Variants in NEK11 observed in about 807,000 individuals in gnomAD.
NEK11 encodes the protein NIMA related kinase 11, also known as serine/threonine-protein kinase Nek11.
In NEK11, 72 loss-of-function variants were observed where a neutral mutation model predicts 80.7. The ratio of observed to expected loss-of-function variants is 0.89; its 90% CI spans 0.74 to 1.08. The LOEUF is 1.08. NEK11 is among the 50% of genes least tolerant of loss of function. The pLI is 0.00. For synonymous variants in NEK11, 251 were observed against 260.7 expected, an observed-to-expected ratio of 0.96 and a Z score of 0.36; for missense variants, 764 against 763.6, an observed-to-expected ratio of 1.00 and a Z score of -0.01.
intron 13 of NEK11, among the ~76,000 whole-genome samples, chr3:131,169,793 A>G (rs1350594911): frequency 6.6e-6 from 1 of 152,202 alleles, no homozygotes; most frequent in Non-Finnish European, 1.5e-5. Context: ...TCAGCAAATC[A>G]AAGTTAATTG....
rs781312028 is a variant in NEK11, at chr3:131,152,516, A to G, written c.776A>G (p.Glu259Gly). 1.8e-5 allele frequency: 29 copies of G among 1,613,362 alleles called. No individual in the cohort carries two copies. The highest frequency in any genetic ancestry group is 1.6e-4 in the Middle Eastern group (1 of 6,082). The change falls in exon 8 of 18, where the codon GAA (glutamate) becomes GGA (glycine). Residue 259 changes from glutamate (E) to glycine (G), a missense_variant. Transcript: ENST00000383366. ...TCTCTCCCTGAGAGATATCCAAAAG[A>G]ACTAAATGCCATCATGGAAAGGTAT... ...TPSLPERYPKELNAIMESMLN... is the reference protein window; with the variant it reads ...TPSLPERYPKGLNAIMESMLN...
chr3:131,155,056 A>G lies in NEK11; in HGVS notation c.897A>G (p.Ser299=). The part of the protein sequence containing the change: ...EQLQNLMCRY[S]EMTLEDKNLD... ...TTCAGAACCTAATGTGTAGATATTC[A>G]GAAATGACTCTGGAAGACAAAAATT... Residue 299 remains serine (S), a synonymous_variant, in exon 10 of 18, where the codon TCA becomes TCG. Transcript: ENST00000383366. 6.2e-7 allele frequency: 1 copy of G among 1,608,962 alleles called. No individual in the cohort carries two copies. Among genetic ancestry groups the G allele is most frequent in the Non-Finnish European group, 8.5e-7 (1 of 1,175,510 alleles).
chr3:131,036,472 C>CAAGACCCA (rs2065664876), intron 3 of NEK11, among the ~76,000 whole-genome samples: 1 of 152,176 alleles, frequency 6.6e-6, no homozygotes. Context: ...TGAAATATCT[C>CAAGACCCA]AACTGGAGAT....
chr3:131,251,040 T>C (rs967374791), intron 16 of NEK11, among the ~76,000 whole-genome samples: 24 of 152,082 alleles, frequency 1.6e-4, no homozygotes, highest in African/African-American at 5.8e-4. Flanking sequence ...TGTAAGTGTA[T>C]GTGTGCATCT....
At chr3:131,302,309 C>T (rs1399558046) in intron 17 of NEK11, among the ~76,000 whole-genome samples, 2 of 152,118 alleles carry the variant, frequency 1.3e-5, no homozygotes, top group Non-Finnish European at 2.9e-5. Flanking sequence ...AAAAAACCAA[C>T]TCCTGAATTC....
intron 3 of NEK11, among the ~76,000 whole-genome samples, chr3:131,059,292 A>G (rs1204675173): frequency 6.6e-6 from 1 of 152,186 alleles, no homozygotes; most frequent in Non-Finnish European, 1.5e-5. Flanking sequence ...AAACCCATCA[A>G]ATTGTATACA....
intron 3 of NEK11, among the ~76,000 whole-genome samples, chr3:131,057,283 A>ATCAT (rs1205912144): frequency 8.6e-5 from 13 of 151,918 alleles, no homozygotes; most frequent in South Asian, 8.3e-4. Flanking sequence ...AATCCAGTCT[A>ATCAT]TCATTGTTGG....
At chr3:131,287,882 T>G (rs1481438364) in intron 17 of NEK11, among the ~76,000 whole-genome samples, 1 of 152,190 alleles carries the variant, frequency 6.6e-6, no homozygotes, top group African/African-American at 2.4e-5. Context: ...CTCCACTTCA[T>G]CCCAGGGGTA....
chr3:131,167,736 AAG>A (rs1389030614), intron 12 of NEK11, among the ~76,000 whole-genome samples: 2 of 152,198 alleles, frequency 1.3e-5, no homozygotes, highest in Non-Finnish European at 2.9e-5. Flanking sequence ...CAGATGAAGA[AAG>A]AGAGGATTTC....
intron 3 of NEK11, among the ~76,000 whole-genome samples, chr3:131,078,639 G>A (rs955710892): frequency 6.6e-5 from 10 of 152,074 alleles, no homozygotes; most frequent in Non-Finnish European, 1.2e-4. Context: ...CAGAGGGAGA[G>A]GCTTGTTTGA....
At chr3:131,080,188 A>T (rs2149025689) in intron 3 of NEK11, among the ~76,000 whole-genome samples, 1 of 152,174 alleles carries the variant, frequency 6.6e-6, no homozygotes, top group East Asian at 1.9e-4. Flanking sequence ...GATTAGTTCC[A>T]TGGCTGCCCT....
intron 5 of NEK11, among the ~76,000 whole-genome samples, chr3:131,122,431 C>G (rs919087530): frequency 1.3e-5 from 2 of 152,226 alleles, no homozygotes; most frequent in African/African-American, 4.8e-5. Flanking sequence ...GAAGACCTGA[C>G]CCTGCTTCTG....
intron 16 of NEK11, among the ~76,000 whole-genome samples, chr3:131,255,578 C>A (rs2095801440): frequency 6.6e-6 from 1 of 152,152 alleles, no homozygotes. Flanking sequence ...CACCAAACTT[C>A]TTGATATTTC....
intron 3 of NEK11, chr3:131,054,454 A>T (rs945579776): frequency 6.6e-6 from 1 of 152,130 alleles, no homozygotes; most frequent in Admixed American, 6.5e-5. Context: ...TCCGTGAAGG[A>T]TATCTCAACT....
chr3:131,132,672 A>G, intron 5 of NEK11, 73 bp from the exon 6 acceptor site: 1 of 755,928 alleles, frequency 1.3e-6, no homozygotes, highest in South Asian at 1.7e-5. Flanking sequence ...GTGCAACAAC[A>G]TATATTATTT....
intron 3 of NEK11, among the ~76,000 whole-genome samples, chr3:131,080,039 T>TG (rs2074999826): frequency 1.3e-5 from 2 of 148,852 alleles, no homozygotes; most frequent in Non-Finnish European, 3.0e-5. Context: ...GTGTGTGTGT[T>TG]TGTGTGTGTG....
intron 6 of NEK11, 43 bp from the exon 7 acceptor site, chr3:131,133,787 T>C (rs1202916261): frequency 6.4e-7 from 1 of 1,556,856 alleles, no homozygotes; most frequent in African/African-American, 1.4e-5. Flanking sequence ...GGCTAATTTT[T>C]CGTTGGCTTA....
At chr3:131,251,236 G>A (rs2095697258) in intron 16 of NEK11, among the ~76,000 whole-genome samples, 1 of 150,550 alleles carries the variant, frequency 6.6e-6, no homozygotes, top group Non-Finnish European at 1.5e-5. Flanking sequence ...AGTTGAATAT[G>A]GTTGACTTTG....
chr3:131,060,612 G>A (rs1298873337), intron 3 of NEK11, among the ~76,000 whole-genome samples: 2 of 152,126 alleles, frequency 1.3e-5, no homozygotes, highest in African/African-American at 2.4e-5. Flanking sequence ...TATCTAGGCA[G>A]TGTCCAAAAT....
Sources: allele counts gnomAD v4.1 joint callset (sites outside exome capture counted in the v4.1 genomes callset), GRCh38; gene constraint gnomAD v4.1.1; transcripts MANE v1.5; gene names NCBI Gene and HGNC (gene_info 2026-07-23, HGNC 2026-07-21).